KITLG: variants seen among roughly 807,000 people sequenced by gnomAD.
KITLG encodes c-Kit ligand.
In KITLG, 13 loss-of-function variants were observed where a neutral mutation model predicts 34.1. The ratio of observed to expected loss-of-function variants is 0.38; its 90% CI spans 0.25 to 0.61. The LOEUF is 0.61. KITLG is among the 20% of genes least tolerant of loss of function. KITLG has a pLI of 0.60. For synonymous variants in KITLG, 110 were observed against 104.0 expected (o/e 1.06, Z -0.35); for missense variants, 292 against 318.9 (o/e 0.92, Z 0.64).
At chr12:88,567,136 A>AAT (rs897479152) in intron 1 of KITLG, among the ~76,000 whole-genome samples, 3 of 152,084 alleles carry the variant, frequency 2.0e-5, no homozygotes, top group South Asian at 2.1e-4. Flanking sequence ...CAGGGACTTT[A>AAT]ATATATATAT....
At position 88,577,161 on chromosome 12, in the gene KITLG, A is replaced by C. The variant is rs1030576977; in HGVS notation, c.15+3103T>G. Among the ~76,000 whole-genome samples, 23 of 152,292 alleles carry C rather than the reference A, an allele frequency of 1.5e-4. 1 individual carries two copies. Among genetic ancestry groups the C allele is most frequent in the Middle Eastern group, 6.8e-3 (2 of 294 alleles). ...AGACTAAAAAAATGCTCTTTTCATAAGTATGTTAATTTTCTTCTACAAAGT... is the reference window on the plus strand; with the variant it reads ...AGACTAAAAAAATGCTCTTTTCATACGTATGTTAATTTTCTTCTACAAAGT... On this transcript the variant is annotated intron_variant, in intron 1 of 9. Transcript: ENST00000644744.
intron 1 of KITLG, among the ~76,000 whole-genome samples, chr12:88,579,423 G>A (rs1307493520): frequency 6.6e-6 from 1 of 152,074 alleles, no homozygotes; most frequent in Non-Finnish European, 1.5e-5. Context: ...GGGCACCGTG[G>A]CGGCCCTTTC....
chr12:88,574,768 T>G (rs1871775428), intron 1 of KITLG, among the ~76,000 whole-genome samples: 1 of 152,184 alleles, frequency 6.6e-6, no homozygotes, highest in Non-Finnish European at 1.5e-5. Flanking sequence ...AGCATTACCT[T>G]TTGTAAGCTT....
At chr12:88,545,975 T>C in intron 1 of KITLG, 110 bp from the exon 2 acceptor site, 1 of 759,902 alleles carries the variant, frequency 1.3e-6, no homozygotes, top group South Asian at 1.4e-5. Context: ...TAATATATGT[T>C]ATTGGCTTAA....
intron 2 of KITLG, among the ~76,000 whole-genome samples, chr12:88,543,159 C>T (rs1399669585): frequency 4.6e-5 from 7 of 152,184 alleles, no homozygotes; most frequent in South Asian, 4.2e-4. Flanking sequence ...ATGTGCACAA[C>T]GTGCAGGTTT....
chr12:88,543,569 T>C (rs1049397477), intron 2 of KITLG, among the ~76,000 whole-genome samples: 2 of 152,174 alleles, frequency 1.3e-5, no homozygotes, highest in South Asian at 4.1e-4. Context: ...GAGGTACCCA[T>C]AATTTTCATC....
chr12:88,526,991 C>T (rs976881718), intron 3 of KITLG, among the ~76,000 whole-genome samples: 1 of 151,780 alleles, frequency 6.6e-6, no homozygotes, highest in Non-Finnish European at 1.5e-5. Flanking sequence ...GTCTCAGCCT[C>T]CTGAGTAGCT....
chr12:88,502,504 T>G (rs1432249144), intron 9 of KITLG, among the ~76,000 whole-genome samples: 1 of 152,178 alleles, frequency 6.6e-6, no homozygotes, highest in African/African-American at 2.4e-5. Context: ...CAAACATTTA[T>G]AGAGAGCCAA....
intron 3 of KITLG, among the ~76,000 whole-genome samples, chr12:88,521,146 T>C (rs1346916632): frequency 1.3e-5 from 2 of 152,174 alleles, no homozygotes; most frequent in African/African-American, 4.8e-5. Flanking sequence ...CAAAGTTCTA[T>C]TTTTCAGTAA....
chr12:88,562,011 T>C (rs758558583), intron 1 of KITLG, among the ~76,000 whole-genome samples: 1 of 152,228 alleles, frequency 6.6e-6, no homozygotes, highest in Non-Finnish European at 1.5e-5. Flanking sequence ...TTCTCAGAAA[T>C]TATTTTGATT....
intron 3 of KITLG, among the ~76,000 whole-genome samples, chr12:88,531,312 A>G (rs1171776772): frequency 4.6e-5 from 7 of 152,220 alleles, no homozygotes; most frequent in African/African-American, 9.6e-5. Flanking sequence ...CCAGCTCAGA[A>G]TAAGTGTTAC....
At chr12:88,551,961 G>A (rs1476869568) in intron 1 of KITLG, among the ~76,000 whole-genome samples, 12 of 152,144 alleles carry the variant, frequency 7.9e-5, no homozygotes, top group East Asian at 5.8e-4. Flanking sequence ...AAGAAGGGTC[G>A]GGGAAATGTG....
chr12:88,516,635 T>C, intron 4 of KITLG, 145 bp from the exon 5 acceptor site: 6 of 571,626 alleles, frequency 1.0e-5, no homozygotes, highest in Non-Finnish European at 1.5e-5. Context: ...TTAACGTATG[T>C]AATTCAGATT....
chr12:88,519,814 G>A (rs548941750), intron 3 of KITLG, among the ~76,000 whole-genome samples: 1 of 152,046 alleles, frequency 6.6e-6, no homozygotes, highest in Admixed American at 6.6e-5. Flanking sequence ...TATATAAATG[G>A]GATCTTGCTT....
rs1182240998 is a variant in KITLG, at chr12:88,580,250, C to A, written c.15+14G>T. ...CCTGGAGAGCCTGGGAGCTCCCGGG[C>A]GCGCCCTACTCACTTGTGTCTTCTT... On this transcript the variant is annotated intron_variant, in intron 1 of 9. Coordinates refer to ENST00000644744, the MANE Select transcript of KITLG (RefSeq NM_000899.5). 6.2e-7 allele frequency: 1 copy of A among 1,606,544 alleles called. No homozygotes were observed. Among genetic ancestry groups the A allele is most frequent in the Admixed American group, 1.7e-5 (1 of 59,222 alleles).
At chr12:88,572,319 A>G (rs1444033321) in intron 1 of KITLG, among the ~76,000 whole-genome samples, 6 of 151,910 alleles carry the variant, frequency 3.9e-5, no homozygotes, top group African/African-American at 1.4e-4. Flanking sequence ...ATTAGAAGCT[A>G]CTTATAATTT....
At chr12:88,550,720 C>T (rs1241171932) in intron 1 of KITLG, among the ~76,000 whole-genome samples, 1 of 152,164 alleles carries the variant, frequency 6.6e-6, no homozygotes, top group Non-Finnish European at 1.5e-5. Flanking sequence ...TGTCCCAGAA[C>T]TCCTGCAAAT....
intron 6 of KITLG, among the ~76,000 whole-genome samples, chr12:88,513,861 G>C (rs1869365777): frequency 6.6e-6 from 1 of 151,352 alleles, no homozygotes; most frequent in South Asian, 2.1e-4. Context: ...ATAAAAATTA[G>C]ACAAAAAGCT....
intron 1 of KITLG, among the ~76,000 whole-genome samples, chr12:88,566,054 G>C (rs1298808958): frequency 6.6e-6 from 1 of 152,126 alleles, no homozygotes; most frequent in African/African-American, 2.4e-5. Flanking sequence ...GCAAGCAATG[G>C]CCTCACCTTC....
Sources: gnomAD v4.1 joint callset for allele counts (sites outside exome capture counted in the v4.1 genomes callset) on GRCh38, gnomAD v4.1.1 for gene constraint, MANE v1.5 for transcripts, NCBI Gene and HGNC (gene_info 2026-07-23, HGNC 2026-07-21) for gene names.